The following CD99L2 variants were observed in gnomAD, a reference collection of about 807,000 sequenced individuals.
CD99L2 encodes CD99 molecule like 2.
A neutral mutation model predicts 27.3 loss-of-function variants in CD99L2; 24 were observed. The ratio of observed to expected loss-of-function variants is 0.88; its 90% CI spans 0.64 to 1.24. The LOEUF (loss-of-function observed/expected upper bound fraction) is 1.24. Among genes scored for constraint, CD99L2 ranks in the 50% most tolerant of loss-of-function variants. The pLI, the probability that CD99L2 is intolerant of heterozygous loss-of-function variation, is 0.00. For missense variants in CD99L2, 255 were observed against 221.6 expected (o/e 1.15, Z -0.96); for synonymous variants, 97 against 87.9 (o/e 1.10, Z -0.58).
At chrX:150,837,399 G>A (rs897814299) in intron 1 of CD99L2, among the ~76,000 whole-genome samples, 5 of 110,799 alleles carry the variant, frequency 4.5e-5, no homozygotes, top group Non-Finnish European at 9.5e-5. Flanking sequence ...ACAGGCACCC[G>A]CCACCACACT....
At chrX:150,838,898 T>TA (rs1161488139) in intron 1 of CD99L2, among the ~76,000 whole-genome samples, 2,213 of 23,516 alleles carry the variant, frequency 0.094, 119 homozygotes, top group African/African-American at 0.12. Flanking sequence ...ATCATATCAG[T>TA]AAAAAAAAAA....
At chrX:150,884,398 G>C (rs2047377054) in intron 1 of CD99L2, among the ~76,000 whole-genome samples, 1 of 111,979 alleles carries the variant, frequency 8.9e-6, no homozygotes, top group Admixed American at 9.5e-5. Flanking sequence ...AAGTAGTTGG[G>C]CTGGGCACAA....
chrX:150,797,426 A>T (rs781877864), intron 4 of CD99L2, among the ~76,000 whole-genome samples: 2 of 112,221 alleles, frequency 1.8e-5, no homozygotes, highest in South Asian at 7.4e-4. Flanking sequence ...AAAAACCACC[A>T]ACTATCAAAA....
intron 7 of CD99L2, among the ~76,000 whole-genome samples, chrX:150,789,793 G>C (rs1465390936): frequency 8.9e-6 from 1 of 111,979 alleles, no homozygotes; most frequent in Non-Finnish European, 1.9e-5. Context: ...GCTGAGGTGG[G>C]AGGATTGCTT....
At chrX:150,888,919 C>A (rs990420658) in intron 1 of CD99L2, among the ~76,000 whole-genome samples, 1 of 112,246 alleles carries the variant, frequency 8.9e-6, no homozygotes, top group African/African-American at 3.2e-5. Flanking sequence ...GCTGCATTAT[C>A]CTAATTCCCA....
chrX:150,802,951 A>C (rs1300044917), intron 4 of CD99L2, among the ~76,000 whole-genome samples: 2 of 86,976 alleles, frequency 2.3e-5, no homozygotes, highest in Admixed American at 1.4e-4. Context: ...GCTGGAGTGC[A>C]ATAGCGAGAT....
intron 1 of CD99L2, among the ~76,000 whole-genome samples, chrX:150,896,039 A>G (rs1305608647): frequency 9.2e-6 from 1 of 108,683 alleles, no homozygotes; most frequent in Non-Finnish European, 1.9e-5. Context: ...AAAAAAAAAA[A>G]AAAAAAAGAT....
At chrX:150,806,805 C>T (rs998528567) in intron 4 of CD99L2, among the ~76,000 whole-genome samples, 4 of 110,655 alleles carry the variant, frequency 3.6e-5, no homozygotes, top group South Asian at 3.9e-4. Flanking sequence ...GCAGGAGAAT[C>T]GCTTGAACCC....
chrX:150,845,418 T>A lies in CD99L2; in HGVS notation c.68-14125A>T, dbSNP rs781878560. Among the ~76,000 whole-genome samples, 9 of 111,686 alleles carry A rather than the reference T, an allele frequency of 8.1e-5. No individual in the cohort carries two copies. In the South Asian group the frequency reaches 3.4e-3, roughly 42 times the overall value. ...AGTCGTGGGCTTTAAAATGGTGAAT[T>A]TTATGTTTTGTGAATGATGCCTCAG... On this transcript the variant is annotated intron_variant, in intron 1 of 10. Coordinates refer to ENST00000370377, the MANE Select transcript of CD99L2 (RefSeq NM_031462.4).
At chrX:150,887,153 A>AC (rs1416170899) in intron 1 of CD99L2, among the ~76,000 whole-genome samples, 1 of 108,893 alleles carries the variant, frequency 9.2e-6, no homozygotes, top group African/African-American at 3.3e-5. Flanking sequence ...AAAAAAAAAA[A>AC]AAACAATGAA....
At chrX:150,841,472 C>T (rs1039292642) in intron 1 of CD99L2, among the ~76,000 whole-genome samples, 2 of 111,583 alleles carry the variant, frequency 1.8e-5, no homozygotes, top group East Asian at 2.8e-4. Context: ...AATCCATGTA[C>T]GTGTATTTCT....
rs9866 is a variant in CD99L2 at position 150,767,630 on chromosome X, C to A, written c.*1404G>T. On this transcript the variant is annotated 3_prime_UTR_variant, in exon 11 of 11. Transcript: ENST00000370377. ...TTTCCTTAAGAAACTGGAGTTGGCT[C>A]ATCCCACTCAGCAGACAATCCCGCT... 0.21 allele frequency: 23,051 copies of A among 111,003 alleles called. 1,858 individuals are homozygous for A. The highest frequency in any genetic ancestry group is 0.4 in the Middle Eastern group (85 of 213). 9.1% of individuals were successfully genotyped at this position (111,003 alleles called of 1,213,427 possible). A position where few individuals can be genotyped will look rare whatever the true frequency, so the allele number is the denominator to read the frequency against.
chrX:150,835,275 T>C (rs1449320542), intron 1 of CD99L2, among the ~76,000 whole-genome samples: 1 of 112,590 alleles, frequency 8.9e-6, no homozygotes, highest in Non-Finnish European at 1.9e-5. Flanking sequence ...TGTGAGATAA[T>C]GGATATGTTA....
chrX:150,886,540 G>A (rs1231619253), intron 1 of CD99L2, among the ~76,000 whole-genome samples: 4 of 112,533 alleles, frequency 3.6e-5, no homozygotes, highest in East Asian at 2.8e-4. Flanking sequence ...ACTCCATGAC[G>A]TTCACACAAT....
intron 1 of CD99L2, among the ~76,000 whole-genome samples, chrX:150,891,849 G>A (rs782576257): frequency 1.8e-5 from 2 of 111,966 alleles, no homozygotes; most frequent in East Asian, 2.8e-4. Context: ...TGGATTGGGG[G>A]ACAGGAACCC....
At chrX:150,805,643 A>G (rs782453562) in intron 4 of CD99L2, among the ~76,000 whole-genome samples, 13 of 111,672 alleles carry the variant, frequency 1.2e-4, no homozygotes, top group African/African-American at 4.2e-4. Flanking sequence ...AGCAACCCAG[A>G]TGACCTCCAA....
Position 150,787,888 on chromosome X carries a change from G to GTATATATATA in CD99L2, c.496+5793_496+5802dup, listed in dbSNP as rs527795783. The stretch of plus-strand genomic sequence containing the variant: ...GTGTACATGTACCCTAGAACTTAAA[G>GTATATATATA]TATATATATATATATATATATATAT... On this transcript the variant is annotated intron_variant, in intron 7 of 10. Transcript: ENST00000370377. 5.2e-3 allele frequency among the ~76,000 whole-genome samples: 331 copies of GTATATATATA among 63,792 alleles called. 4 individuals are homozygous for GTATATATATA. Among genetic ancestry groups the GTATATATATA allele is most frequent in the Admixed American group, 5.9e-3 (29 of 4,952 alleles). The allele number at this position is 63,792 out of a possible 115,157, so 55.4% of individuals were successfully genotyped here. A position where few individuals can be genotyped will look rare whatever the true frequency, so the allele number is the denominator to read the frequency against.
chrX:150,768,826 C>G lies in CD99L2; in HGVS notation c.*208G>C. ...TGCTGGCTTTCTATCAGAGCTGGCTCTTGAATTTCGGCACCAAGTCTCAGC... is the reference window on the plus strand; with the variant it reads ...TGCTGGCTTTCTATCAGAGCTGGCTGTTGAATTTCGGCACCAAGTCTCAGC... On this transcript the variant is annotated 3_prime_UTR_variant, in exon 11 of 11. Coordinates refer to ENST00000370377, the MANE Select transcript of CD99L2 (RefSeq NM_031462.4). The G allele has an allele frequency of 2.2e-6, 2 of 909,394 alleles. No homozygotes were observed. Among genetic ancestry groups the G allele is most frequent in the Admixed American group, 5.7e-5 (1 of 17,575 alleles). 74.9% of individuals were successfully genotyped at this position (909,394 alleles called of 1,213,427 possible). A position where few individuals can be genotyped will look rare whatever the true frequency, so the allele number is the denominator to read the frequency against.
At chrX:150,804,950 C>G (rs2045971048) in intron 4 of CD99L2, among the ~76,000 whole-genome samples, 1 of 111,746 alleles carries the variant, frequency 8.9e-6, no homozygotes, top group Admixed American at 9.5e-5. Flanking sequence ...CTTTGGGAGG[C>G]CGAGGCAGGA....
Sources: gnomAD v4.1 joint callset for allele counts (sites outside exome capture counted in the v4.1 genomes callset) on GRCh38, gnomAD v4.1.1 for gene constraint, MANE v1.5 for transcripts, NCBI Gene and HGNC (gene_info 2026-07-23, HGNC 2026-07-21) for gene names.